The following PHF6 variants were observed in gnomAD, a reference collection of about 807,000 sequenced individuals.
PHF6 encodes the protein PHD-like zinc finger protein.
Under a neutral mutation model 34.0 loss-of-function variants are expected in PHF6, and 7 were observed. The ratio of observed to expected loss-of-function variants is 0.21; its 90% CI spans 0.12 to 0.39. The LOEUF (loss-of-function observed/expected upper bound fraction) is 0.39. Ranked by LOEUF, PHF6 falls within the 10% of genes least tolerant of loss-of-function variation. The pLI is 1.00. For synonymous variants in PHF6, 89 were observed against 88.4 expected, an observed-to-expected ratio of 1.01 and a Z score of -0.04; for missense variants, 128 against 262.8, an observed-to-expected ratio of 0.49 and a Z score of 3.55.
intron 9 of PHF6, chrX:134,420,315 A>G (rs1174549957): frequency 9.2e-6 from 1 of 108,502 alleles, no homozygotes; most frequent in Non-Finnish European, 1.9e-5. Flanking sequence ...CTCAAAAAAA[A>G]AAAAAAAAGA....
intron 9 of PHF6, chrX:134,420,312 A>G (rs2124256204): frequency 9.2e-6 from 1 of 108,218 alleles, no homozygotes; most frequent in African/African-American, 3.3e-5. Context: ...TGTCTCAAAA[A>G]AAAAAAAAAA....
intron 9 of PHF6, among the ~76,000 whole-genome samples, chrX:134,423,031 T>G (rs1466924916): frequency 2.7e-5 from 3 of 112,327 alleles, no homozygotes; most frequent in Non-Finnish European, 5.6e-5. Context: ...TTATCTATTG[T>G]TTATTTTCCT....
chrX:134,406,090 CTTTCTTTCTTTCTTTCTTTCTTT>C (rs1296444599), intron 5 of PHF6, among the ~76,000 whole-genome samples: 1 of 99,283 alleles, frequency 1.0e-5, no homozygotes, highest in Non-Finnish European at 2.0e-5. Context: ...TTCTTTCTTT[CTTTCTTTCTTTCTTTCTTTCTTT>C]TTTTTTTTAC....
Position 134,391,298 on chromosome X carries a change from G to C in PHF6, c.241-2203G>C, listed in dbSNP as rs778594774. 2.2e-4 allele frequency among the ~76,000 whole-genome samples: 25 copies of C among 111,910 alleles called. 1 individual carries two copies. The South Asian group carries it at 9.2e-3, about 41-fold the overall frequency. On this transcript the variant is annotated intron_variant, in intron 3 of 10. Transcript: ENST00000370803. Reference sequence around the variant, plus strand: ...CCTAAATATTTTTCAATTGTTGATAGGTGGTTTTACATTTTAGACTGTTCT... The same window carrying C: ...CCTAAATATTTTTCAATTGTTGATACGTGGTTTTACATTTTAGACTGTTCT...
rs1399157002 is a variant in PHF6, at chrX:134,426,077, A to G, written c.*417A>G. The stretch of plus-strand genomic sequence containing the variant: ...GCAAACATGCCACTGGTGGCAGCAC[A>G]TGGTAATTTGTGGATTTTTTTTTCA... On this transcript the variant is annotated 3_prime_UTR_variant, in exon 11 of 11. Transcript: ENST00000370803. 5.6e-5 allele frequency: 8 copies of G among 141,662 alleles called. No homozygotes were observed. The highest frequency in any genetic ancestry group is 1.3e-4 in the African/African-American group (3 of 22,971). The allele number at this position is 141,662 out of a possible 1,213,427, so 11.7% of individuals were successfully genotyped here. A position where few individuals can be genotyped will look rare whatever the true frequency, so the allele number is the denominator to read the frequency against.
intron 3 of PHF6, among the ~76,000 whole-genome samples, chrX:134,384,392 C>T (rs1442677300): frequency 1.8e-5 from 2 of 111,144 alleles, no homozygotes; most frequent in Non-Finnish European, 3.8e-5. Flanking sequence ...TTTCAGGAGA[C>T]AGGTGATATA....
intron 9 of PHF6, among the ~76,000 whole-genome samples, chrX:134,421,927 G>A (rs1468612529): frequency 9.3e-6 from 1 of 107,693 alleles, no homozygotes; most frequent in Non-Finnish European, 1.9e-5. Flanking sequence ...TTTTTTGTTT[G>A]TTTGTTTGTT....
Position 134,413,930 on chromosome X carries a change from T to C in PHF6, c.693T>C (p.Phe231=). 8.3e-7 allele frequency: 1 copy of C among 1,210,761 alleles called. No homozygotes were observed. The highest frequency in any genetic ancestry group is 1.8e-5 in the South Asian group (1 of 56,973). ...AAGCACGAGGAAAACTGCATATATT[T>C]AATGCCAAGAAGGCAGCTGCCCATT... is the stretch of plus-strand genomic sequence containing the variant. ...ENEARGKLHI[F]NAKKAAAHYK... The change falls in exon 7 of 11, where the codon TTT becomes TTC. Residue 231 remains phenylalanine, a synonymous_variant. Coordinates refer to ENST00000370803, the MANE Select transcript of PHF6 (RefSeq NM_001015877.2).
chrX:134,380,297 T>C (rs6638215), intron 3 of PHF6, among the ~76,000 whole-genome samples: 32,817 of 107,804 alleles, frequency 0.3, 4,354 homozygotes, highest in East Asian at 0.65. Context: ...CAGGCGCCCA[T>C]CACTGTGCCT....
intron 3 of PHF6, among the ~76,000 whole-genome samples, chrX:134,386,499 C>A (rs2077332115): frequency 9.2e-6 from 1 of 109,120 alleles, no homozygotes; most frequent in Non-Finnish European, 1.9e-5. Flanking sequence ...CAACCTCCGT[C>A]TCCCTGGTTC....
chrX:134,399,018 C>A (rs2077390124), intron 5 of PHF6, among the ~76,000 whole-genome samples: 1 of 110,947 alleles, frequency 9.0e-6, no homozygotes, highest in Admixed American at 9.6e-5. Context: ...CCTTGAGGAA[C>A]TTTAACAATT....
intron 5 of PHF6, among the ~76,000 whole-genome samples, chrX:134,401,755 A>T (rs746020526): frequency 2.7e-5 from 3 of 111,587 alleles, no homozygotes; most frequent in Non-Finnish European, 3.8e-5. Flanking sequence ...TTTGTGCCTA[A>T]CCTTGGAGGC....
At chrX:134,383,963 G>A (rs1422546744) in intron 3 of PHF6, among the ~76,000 whole-genome samples, 3 of 112,330 alleles carry the variant, frequency 2.7e-5, no homozygotes, top group African/African-American at 9.7e-5. Flanking sequence ...AATATGTTCT[G>A]TTAAATAGTA....
chrX:134,417,503 T>C (rs1000959918), intron 9 of PHF6: 19 of 393,419 alleles, frequency 4.8e-5, no homozygotes, highest in Non-Finnish European at 7.5e-5. Context: ...CCATCCAATA[T>C]TAGTTAGGCT....
chrX:134,402,027 A>G (rs2077404605), intron 5 of PHF6, among the ~76,000 whole-genome samples: 3 of 111,406 alleles, frequency 2.7e-5, no homozygotes, highest in African/African-American at 9.8e-5. Context: ...ACAGAGTCTC[A>G]TTCTGTTGCC....
intron 3 of PHF6, 131 bp downstream of exon 3, chrX:134,378,237 T>TC (rs1269301038): frequency 1.0e-5 from 4 of 382,687 alleles, no homozygotes; most frequent in Admixed American, 1.0e-4. Flanking sequence ...TTTTTTTTTT[T>TC]CTCTGAGCCA....
intron 5 of PHF6, among the ~76,000 whole-genome samples, chrX:134,402,006 T>G (rs1015062277): frequency 2.3e-4 from 25 of 110,120 alleles, no homozygotes; most frequent in African/African-American, 4.0e-4. Context: ...TTGTTTGTTT[T>G]TTTGGTTGAG....
chrX:134,414,103 A>G (rs1205464742), intron 7 of PHF6, 137 bp downstream of exon 7: 1 of 588,118 alleles, frequency 1.7e-6, no homozygotes, highest in African/African-American at 2.3e-5. Context: ...CCCCACCAGC[A>G]TTAGTATTTT....
chrX:134,417,867 C>CAAAA (rs1322013526), intron 9 of PHF6: 1 of 104,986 alleles, frequency 9.5e-6, no homozygotes, highest in Non-Finnish European at 2.0e-5. Flanking sequence ...CTCAAACAAA[C>CAAAA]AAAAAAAAAA....
Sources: allele counts gnomAD v4.1 joint callset (sites outside exome capture counted in the v4.1 genomes callset), GRCh38; gene constraint gnomAD v4.1.1; transcripts MANE v1.5; gene names NCBI Gene and HGNC (gene_info 2026-07-23, HGNC 2026-07-21).